The following BICD1 variants were observed in gnomAD, a reference collection of about 807,000 sequenced individuals.
The protein encoded by BICD1 is protein bicaudal D homolog 1.
In BICD1, 35 loss-of-function variants were observed where a neutral mutation model predicts 92.5. That is an observed-to-expected ratio of 0.38 (90% CI 0.29 to 0.50). The LOEUF is 0.50. BICD1 is among the 20% of genes least tolerant of loss of function. The probability of loss-of-function intolerance (pLI) is 0.93; values close to 1 mark genes in which losing one functional copy is unlikely to be tolerated. For missense variants in BICD1, 950 were observed against 1,189.8 expected (o/e 0.80, Z 2.97); for synonymous variants, 429 against 465.1 (o/e 0.92, Z 1.00).
chr12:32,133,261 G>A (rs979817452), intron 1 of BICD1, among the ~76,000 whole-genome samples: 1 of 152,086 alleles, frequency 6.6e-6, no homozygotes, highest in African/African-American at 2.4e-5. Flanking sequence ...GCTGAGTCAG[G>A]TGGATCACCT....
chr12:32,278,111 T>C (rs1157378470), intron 2 of BICD1, among the ~76,000 whole-genome samples: 2 of 152,208 alleles, frequency 1.3e-5, no homozygotes, highest in Non-Finnish European at 2.9e-5. Flanking sequence ...GAAACAATAT[T>C]TACCAGAGAT....
At chr12:32,338,160 G>A (rs909721214) in intron 7 of BICD1, 2 of 233,186 alleles carry the variant, frequency 8.6e-6, no homozygotes, top group East Asian at 9.6e-5. Context: ...TATTAAGAAT[G>A]AAGCTGTGTT....
chr12:32,171,403 T>C (rs1943931927), intron 1 of BICD1, among the ~76,000 whole-genome samples: 1 of 152,184 alleles, frequency 6.6e-6, no homozygotes, highest in Non-Finnish European at 1.5e-5. Context: ...CATTGTAAAT[T>C]AGGATCCTGG....
intron 2 of BICD1, among the ~76,000 whole-genome samples, chr12:32,242,827 A>C (rs16916339): frequency 0.12 from 18,313 of 152,052 alleles, 1,793 homozygotes; most frequent in African/African-American, 0.27. Flanking sequence ...AAATGCATTC[A>C]TTTTCTTATT....
chr12:32,296,796 T>A (rs954846227), intron 3 of BICD1, among the ~76,000 whole-genome samples: 1 of 152,152 alleles, frequency 6.6e-6, no homozygotes, highest in African/African-American at 2.4e-5. Context: ...TATTAGATAT[T>A]CTTGAAAGAC....
At position 32,334,634 on chromosome 12, in the gene BICD1, C is replaced by A. The variant is rs1938026145; in HGVS notation, c.2219C>A (p.Thr740Asn). Reference protein sequence around the residue: ...ELKALKEDAATFSSLRAMFAT... With the variant: ...ELKALKEDAANFSSLRAMFAT... ...AAGGCTTTGAAAGAAGATGCTGCAACCTTCTCATCCCTGAGAGCAATGTTT... is the reference window on the plus strand; with the variant it reads ...AAGGCTTTGAAAGAAGATGCTGCAAACTTCTCATCCCTGAGAGCAATGTTT... Residue 740 changes from threonine (T) to asparagine (N), a missense_variant, in exon 6 of 10, where the codon ACC (threonine) becomes AAC (asparagine). Coordinates refer to ENST00000652176, the MANE Select transcript of BICD1 (RefSeq NM_001714.4). The A allele has an allele frequency of 2.5e-6, 4 of 1,612,614 alleles. No individual in the cohort carries two copies. The highest frequency in any genetic ancestry group is 3.4e-6 in the Non-Finnish European group (4 of 1,179,458).
At position 32,383,235 on chromosome 12, in the gene BICD1, T is replaced by C. The variant is rs1421902068; in HGVS notation, c.*5608T>C. The C allele has an allele frequency of 1.3e-5, 2 of 152,132 alleles. No individual in the cohort carries two copies. The highest frequency in any genetic ancestry group is 4.8e-5 in the African/African-American group (2 of 41,456). The allele number at this position is 152,132 out of a possible 1,614,324, so 9.4% of individuals were successfully genotyped here. Reference sequence around the variant, plus strand: ...TTGGGGTTAAATGATGTGAAGTGTTTCCACCTACTGATAAATACCATATGA... The same window carrying C: ...TTGGGGTTAAATGATGTGAAGTGTTCCCACCTACTGATAAATACCATATGA... On this transcript the variant is annotated 3_prime_UTR_variant, in exon 10 of 10. Transcript: ENST00000652176.
chr12:32,107,119 C>G lies in BICD1; in HGVS notation c.-213C>G. ...TGCCGCCTCGCCCCTGACCCTCTGCCCTGTTCTCCATGTTGCATTTCTCGT... is the reference window on the plus strand; with the variant it reads ...TGCCGCCTCGCCCCTGACCCTCTGCGCTGTTCTCCATGTTGCATTTCTCGT... On this transcript the variant is annotated 5_prime_UTR_variant, in exon 1 of 10. Transcript: ENST00000652176. The G allele has an allele frequency of 3.4e-6, 2 of 590,048 alleles. No homozygotes were observed. Among genetic ancestry groups the G allele is most frequent in the South Asian group, 4.0e-5 (2 of 50,396 alleles). 36.6% of individuals were successfully genotyped at this position (590,048 alleles called of 1,614,324 possible). A position where few individuals can be genotyped will look rare whatever the true frequency, so the allele number is the denominator to read the frequency against.
chr12:32,365,544 C>G (rs1200534820), intron 8 of BICD1, among the ~76,000 whole-genome samples: 1 of 152,204 alleles, frequency 6.6e-6, no homozygotes, highest in Non-Finnish European at 1.5e-5. Flanking sequence ...ACAGAGGCCA[C>G]TACTCTGCTT....
At chr12:32,293,067 G>A (rs1947765425) in intron 2 of BICD1, among the ~76,000 whole-genome samples, 1 of 152,024 alleles carries the variant, frequency 6.6e-6, no homozygotes, top group Non-Finnish European at 1.5e-5. Context: ...CAAACGAATA[G>A]GCTCCTCTCC....
In BICD1 at chr12:32,377,767, G is replaced by A; in HGVS notation, c.*140G>A. ...ATGTCCATCGTTTTGGAAGACGAGA[G>A]AAAGTTGAGAAGAACACGAAGCACA... On this transcript the variant is annotated 3_prime_UTR_variant, in exon 10 of 10. Coordinates refer to ENST00000652176, the MANE Select transcript of BICD1 (RefSeq NM_001714.4). The A allele has an allele frequency of 1.4e-6, 1 of 726,430 alleles. No homozygotes were observed. Among genetic ancestry groups the A allele is most frequent in the African/African-American group, 1.8e-5 (1 of 56,886 alleles). 45.0% of individuals were successfully genotyped at this position (726,430 alleles called of 1,614,324 possible). A position where few individuals can be genotyped will look rare whatever the true frequency, so the allele number is the denominator to read the frequency against.
intron 8 of BICD1, among the ~76,000 whole-genome samples, chr12:32,348,726 ATATATATATATATATAT>A (rs1938737396): frequency 5.3e-4 from 2 of 3,782 alleles, no homozygotes; most frequent in East Asian, 0.022. Flanking sequence ...ACACAAAAAT[ATATATATATATATATAT>A]ATATATATAT....
At chr12:32,350,801 C>G (rs958730136) in intron 8 of BICD1, among the ~76,000 whole-genome samples, 6 of 152,162 alleles carry the variant, frequency 3.9e-5, no homozygotes, top group Non-Finnish European at 7.3e-5. Flanking sequence ...GTTGACTATT[C>G]CATTCTTTGT....
intron 4 of BICD1, among the ~76,000 whole-genome samples, chr12:32,324,234 A>G (rs1948719956): frequency 6.6e-6 from 1 of 151,908 alleles, no homozygotes; most frequent in South Asian, 2.1e-4. Flanking sequence ...GTGTGCCTGT[A>G]GTCCCAGCTG....
chr12:32,249,187 G>C (rs326645), intron 2 of BICD1, among the ~76,000 whole-genome samples: 65,087 of 151,902 alleles, frequency 0.43, 14,152 homozygotes, highest in Non-Finnish European at 0.47. Context: ...GTAGGGTAGA[G>C]TATAGCAATA....
chr12:32,180,815 T>C (rs141099003), intron 1 of BICD1, among the ~76,000 whole-genome samples: 53 of 152,134 alleles, frequency 3.5e-4, no homozygotes, highest in African/African-American at 1.2e-3. Context: ...TGTGATGATG[T>C]TATTCATTAA....
intron 8 of BICD1, among the ~76,000 whole-genome samples, chr12:32,359,982 G>A (rs1263429009): frequency 2.0e-5 from 3 of 152,030 alleles, no homozygotes; most frequent in African/African-American, 7.2e-5. Flanking sequence ...TCAGGGGATC[G>A]AGACCATCCT....
intron 2 of BICD1, among the ~76,000 whole-genome samples, chr12:32,220,023 G>A (rs1945469006): frequency 6.6e-6 from 1 of 152,156 alleles, no homozygotes; most frequent in South Asian, 2.1e-4. Context: ...ATGGTGCTGG[G>A]AAAACTGGCT....
intron 1 of BICD1, among the ~76,000 whole-genome samples, chr12:32,181,904 G>A (rs1487013211): frequency 6.6e-6 from 1 of 152,024 alleles, no homozygotes; most frequent in African/African-American, 2.4e-5. Context: ...TGCAGGGAAA[G>A]AAGCAGTCAG....
Sources: allele counts gnomAD v4.1 joint callset (sites outside exome capture counted in the v4.1 genomes callset), GRCh38; gene constraint gnomAD v4.1.1; transcripts MANE v1.5; gene names NCBI Gene and HGNC (gene_info 2026-07-23, HGNC 2026-07-21).